KIF4A: variants seen among roughly 807,000 people sequenced by gnomAD.
KIF4A encodes the protein kinesin family member 4A, also known as chromosome-associated kinesin KIF4A.
A neutral mutation model predicts 105.9 loss-of-function variants in KIF4A; 7 were observed. The ratio of observed to expected loss-of-function variants is 0.07; its 90% CI spans 0.04 to 0.12. The LOEUF (loss-of-function observed/expected upper bound fraction) is 0.12, where lower values mean the gene tolerates loss of function less well. Among genes scored for constraint, KIF4A ranks in the 10% least tolerant of loss-of-function variants. The probability of loss-of-function intolerance (pLI) is 1.00; values close to 1 mark genes in which losing one functional copy is unlikely to be tolerated. For synonymous variants in KIF4A, 281 were observed against 331.3 expected (o/e 0.85, Z 1.65); for missense variants, 558 against 929.2 (o/e 0.60, Z 5.19).
At chrX:70,377,915 C>T (rs1284310424) in intron 18 of KIF4A, among the ~76,000 whole-genome samples, 3 of 112,344 alleles carry the variant, frequency 2.7e-5, no homozygotes, top group African/African-American at 9.7e-5. Flanking sequence ...GCCTGTGCAA[C>T]AGAGCAAGAC....
chrX:70,372,267 G>A (rs1191681264), intron 15 of KIF4A, among the ~76,000 whole-genome samples: 1 of 112,499 alleles, frequency 8.9e-6, no homozygotes, highest in Non-Finnish European at 1.9e-5. Context: ...CTGCAATCTC[G>A]GCACTTTGGG....
At chrX:70,331,737 G>A (rs187940305) in intron 9 of KIF4A, among the ~76,000 whole-genome samples, 1 of 111,951 alleles carries the variant, frequency 8.9e-6, no homozygotes, top group Admixed American at 9.5e-5. Context: ...GAAAGCAGAG[G>A]ACTGATCCAG....
chrX:70,352,992 T>C (rs1239888960), intron 14 of KIF4A, among the ~76,000 whole-genome samples: 2 of 111,937 alleles, frequency 1.8e-5, no homozygotes, highest in East Asian at 5.6e-4. Flanking sequence ...GAGGAAATTA[T>C]GGCAAAGTCA....
At chrX:70,364,950 T>A (rs2086094722) in intron 15 of KIF4A, among the ~76,000 whole-genome samples, 1 of 111,494 alleles carries the variant, frequency 9.0e-6, no homozygotes, top group Non-Finnish European at 1.9e-5. Context: ...CTTGAAGAGG[T>A]CCTTCACATC....
At chrX:70,371,280 T>A (rs2086131302) in intron 15 of KIF4A, among the ~76,000 whole-genome samples, 1 of 109,364 alleles carries the variant, frequency 9.1e-6, no homozygotes, top group South Asian at 4.1e-4. Flanking sequence ...CAGCACATGT[T>A]TCAGAGAGCA....
chrX:70,305,825 G>C (rs1248831656), intron 7 of KIF4A, among the ~76,000 whole-genome samples: 1 of 111,579 alleles, frequency 9.0e-6, no homozygotes, highest in Non-Finnish European at 1.9e-5. Context: ...AATATATAAG[G>C]GTTCCAGTAT....
chrX:70,330,355 TG>T, intron 9 of KIF4A, 23 bp downstream of exon 9: 7 of 1,168,688 alleles, frequency 6.0e-6, no homozygotes, highest in Non-Finnish European at 8.1e-6. Flanking sequence ...TAAAGTTTGA[TG>T]GGAAAAATTA....
intron 15 of KIF4A, among the ~76,000 whole-genome samples, chrX:70,364,625 G>A (rs1569242599): frequency 9.0e-6 from 1 of 111,113 alleles, no homozygotes; most frequent in Non-Finnish European, 1.9e-5. Context: ...CCAGTACCAT[G>A]CTGTTTTGGT....
intron 18 of KIF4A, among the ~76,000 whole-genome samples, chrX:70,382,802 A>G (rs950263898): frequency 2.7e-5 from 3 of 110,288 alleles, no homozygotes; most frequent in Non-Finnish European, 5.7e-5. Context: ...AAAAAAAAAA[A>G]AAAGAAAGTT....
chrX:70,320,493 T>TA (rs1237799555), intron 7 of KIF4A, among the ~76,000 whole-genome samples: 1 of 111,829 alleles, frequency 8.9e-6, no homozygotes, highest in African/African-American at 3.3e-5. Context: ...TATTGGGCCA[T>TA]AAAAAAGAAT....
chrX:70,409,075 G>A (rs1479687700), intron 28 of KIF4A, among the ~76,000 whole-genome samples: 1 of 111,334 alleles, frequency 9.0e-6, no homozygotes, highest in Non-Finnish European at 1.9e-5. Flanking sequence ...ATGTTGGTCA[G>A]GCTGGTCTCG....
chrX:70,343,272 G>C (rs980209071), intron 11 of KIF4A, among the ~76,000 whole-genome samples: 10 of 111,818 alleles, frequency 8.9e-5, no homozygotes, highest in Non-Finnish European at 1.5e-4. Flanking sequence ...GCGTAGTGTA[G>C]GAGGCAGTTT....
intron 5 of KIF4A, among the ~76,000 whole-genome samples, chrX:70,299,881 T>C (rs1426047878): frequency 2.7e-5 from 3 of 111,990 alleles, no homozygotes; most frequent in Admixed American, 9.5e-5. Context: ...TCAGATGGTA[T>C]AGATGCAAGA....
chrX:70,314,877 AG>A (rs1421283630), intron 7 of KIF4A, among the ~76,000 whole-genome samples: 4 of 110,993 alleles, frequency 3.6e-5, no homozygotes, highest in Admixed American at 1.9e-4. Context: ...TACTGAGAAG[AG>A]GTAAATAGAT....
intron 11 of KIF4A, among the ~76,000 whole-genome samples, chrX:70,342,601 A>G (rs2085976554): frequency 8.9e-6 from 1 of 112,225 alleles, no homozygotes; most frequent in African/African-American, 3.2e-5. Context: ...CCACCAAAAT[A>G]TAATTGAACC....
intron 28 of KIF4A, among the ~76,000 whole-genome samples, chrX:70,416,342 AGT>A (rs2147744275): frequency 1.0e-5 from 1 of 96,307 alleles, no homozygotes; most frequent in South Asian, 4.9e-4. Context: ...TTTTCTGCAC[AGT>A]CTTTTTTTTT....
chrX:70,352,882 G>A (rs2297869), intron 14 of KIF4A, among the ~76,000 whole-genome samples: 42,094 of 110,764 alleles, frequency 0.38, 7,031 homozygotes, highest in Non-Finnish European at 0.51. Context: ...TCTCAAGAAT[G>A]TAATGTTCCA....
intron 18 of KIF4A, among the ~76,000 whole-genome samples, chrX:70,380,028 C>T (rs918631390): frequency 1.8e-5 from 2 of 111,464 alleles, no homozygotes; most frequent in African/African-American, 6.5e-5. Flanking sequence ...ATAGGCTGGG[C>T]GTGGTGACTC....
intron 20 of KIF4A, among the ~76,000 whole-genome samples, chrX:70,387,820 A>T (rs2086223564): frequency 8.9e-6 from 1 of 111,806 alleles, no homozygotes; most frequent in Non-Finnish European, 1.9e-5. Flanking sequence ...GTAAGCCAAG[A>T]TCGCACCATT....
Sources: gnomAD v4.1 joint callset for allele counts (sites outside exome capture counted in the v4.1 genomes callset) on GRCh38, gnomAD v4.1.1 for gene constraint, MANE v1.5 for transcripts, NCBI Gene and HGNC (gene_info 2026-07-23, HGNC 2026-07-21) for gene names.